Variants in ERBB4 observed in about 807,000 individuals in gnomAD.
ERBB4 encodes the protein erb-b2 receptor tyrosine kinase 4.
ERBB4 carries 42 observed loss-of-function variants against 158.0 expected under a neutral mutation model. That is an observed-to-expected ratio of 0.27 (90% CI 0.21 to 0.34). The LOEUF is 0.34. Ranked by LOEUF, ERBB4 falls within the 10% of genes least tolerant of loss-of-function variation. The probability of loss-of-function intolerance (pLI) is 1.00; values close to 1 mark genes in which losing one functional copy is unlikely to be tolerated. For synonymous variants in ERBB4, 583 were observed against 558.7 expected (o/e 1.04, Z -0.61); for missense variants, 1,333 against 1,624.1 (o/e 0.82, Z 3.08).
chr2:212,470,854 T>C (rs112295301), intron 1 of ERBB4, among the ~76,000 whole-genome samples: 15 of 152,204 alleles, frequency 9.9e-5, no homozygotes, highest in Non-Finnish European at 1.2e-4. Flanking sequence ...CAAGGAACAT[T>C]TCTTTAAAAA....
intron 3 of ERBB4, among the ~76,000 whole-genome samples, chr2:211,809,111 C>A (rs1309390165): frequency 6.6e-6 from 1 of 152,140 alleles, no homozygotes; most frequent in East Asian, 1.9e-4. Context: ...TAATTGAATA[C>A]CCTTCATTTC....
At chr2:211,677,287 G>A (rs1452494740) in intron 13 of ERBB4, among the ~76,000 whole-genome samples, 1 of 152,100 alleles carries the variant, frequency 6.6e-6, no homozygotes, top group African/African-American at 2.4e-5. Flanking sequence ...CTTTCAGGCC[G>A]GGTGCAGTGG....
Position 212,191,730 on chromosome 2 carries a change from G to T in ERBB4, c.83-66827C>A, listed in dbSNP as rs185319707. On this transcript the variant is annotated intron_variant, in intron 1 of 27. Coordinates refer to ENST00000342788, the MANE Select transcript of ERBB4 (RefSeq NM_005235.3). The stretch of plus-strand genomic sequence containing the variant: ...GTTATACATGTTACATATAACACGT[G>T]TTATACATGTTACATATAACACGTG... 5.0e-3 allele frequency among the ~76,000 whole-genome samples: 722 copies of T among 145,438 alleles called. 32 individuals are homozygous for T. The highest frequency in any genetic ancestry group is 0.017 in the African/African-American group (687 of 39,470).
chr2:212,337,539 TA>T (rs1295480601), intron 1 of ERBB4, among the ~76,000 whole-genome samples: 10 of 152,100 alleles, frequency 6.6e-5, no homozygotes, highest in Non-Finnish European at 1.2e-4. Context: ...GATTACACTT[TA>T]ATGTGAATAA....
intron 9 of ERBB4, among the ~76,000 whole-genome samples, chr2:211,706,616 C>CA (rs887747554): frequency 8.5e-5 from 12 of 141,106 alleles, no homozygotes; most frequent in African/African-American, 2.6e-4. Flanking sequence ...AAAAAAAAAA[C>CA]AAAAAAAACT....
chr2:211,558,419 T>C (rs2067296310), intron 20 of ERBB4, among the ~76,000 whole-genome samples: 1 of 152,282 alleles, frequency 6.6e-6, no homozygotes, highest in Non-Finnish European at 1.5e-5. Flanking sequence ...AATGGGCCGA[T>C]CTGGGTAATC....
At chr2:212,136,700 A>G (rs1017863760) in intron 1 of ERBB4, among the ~76,000 whole-genome samples, 2 of 152,166 alleles carry the variant, frequency 1.3e-5, no homozygotes, top group Non-Finnish European at 2.9e-5. Flanking sequence ...CACTGTTCCA[A>G]GTTATCTGTC....
intron 2 of ERBB4, among the ~76,000 whole-genome samples, chr2:212,010,624 C>A (rs555887997): frequency 6.8e-4 from 104 of 152,216 alleles, no homozygotes; most frequent in Admixed American, 2.1e-3. Context: ...GGTCTATATT[C>A]AGTAGTGCAC....
intron 3 of ERBB4, among the ~76,000 whole-genome samples, chr2:211,933,168 T>C (rs929204726): frequency 2.6e-5 from 4 of 152,052 alleles, no homozygotes; most frequent in Admixed American, 2.0e-4. Flanking sequence ...AGGACTGCAT[T>C]TGAAGCATGA....
At chr2:211,728,370 C>T (rs982644992) in intron 5 of ERBB4, among the ~76,000 whole-genome samples, 1 of 151,548 alleles carries the variant, frequency 6.6e-6, no homozygotes, top group Admixed American at 6.6e-5. Context: ...TGTACCCAAA[C>T]AATTTGTATC....
chr2:212,497,261 C>T (rs543368824), intron 1 of ERBB4, among the ~76,000 whole-genome samples: 4 of 150,800 alleles, frequency 2.7e-5, no homozygotes, highest in African/African-American at 7.3e-5. Flanking sequence ...TATTTGAATA[C>T]TAATTTTTAT....
chr2:211,423,763 A>ATGTT (rs2063561644), intron 23 of ERBB4, among the ~76,000 whole-genome samples: 1 of 151,686 alleles, frequency 6.6e-6, no homozygotes, highest in African/African-American at 2.4e-5. Context: ...TTTTTCCTTC[A>ATGTT]TGTTTAGATC....
At chr2:211,998,607 G>A in intron 2 of ERBB4, among the ~76,000 whole-genome samples, 1 of 146,562 alleles carries the variant, frequency 6.8e-6, no homozygotes, top group East Asian at 2.0e-4. Flanking sequence ...TTCCCTTTTT[G>A]TTTTAAATGT....
rs1559701746 is a variant in ERBB4, at chr2:212,191,596, CATGTGTT to C, written c.83-66700_83-66694del. ...TGTGTTATGCCTGTTATATATAACACATGTGTTATGCCTGTTATATATAACACATGTG... is the reference window on the plus strand; with the variant it reads ...TGTGTTATGCCTGTTATATATAACACATGCCTGTTATATATAACACATGTG... On this transcript the variant is annotated intron_variant, in intron 1 of 27. Coordinates refer to ENST00000342788, the MANE Select transcript of ERBB4 (RefSeq NM_005235.3). 3.3e-4 allele frequency among the ~76,000 whole-genome samples: 47 copies of C among 141,706 alleles called. 4 individuals carry two copies. The highest frequency in any genetic ancestry group is 1.1e-3 in the African/African-American group (40 of 35,210). 93.0% of individuals were successfully genotyped at this position (141,706 alleles called of 152,430 possible).
At chr2:211,505,607 C>A in intron 20 of ERBB4, among the ~76,000 whole-genome samples, 1 of 151,664 alleles carries the variant, frequency 6.6e-6, no homozygotes, top group Non-Finnish European at 1.5e-5. Context: ...ATGACAGGAA[C>A]AAAACGTCAC....
At chr2:212,201,431 G>A (rs1336473583) in intron 1 of ERBB4, among the ~76,000 whole-genome samples, 2 of 151,984 alleles carry the variant, frequency 1.3e-5, no homozygotes, top group African/African-American at 4.8e-5. Context: ...TTCTCAGGAT[G>A]GTATTCTGGA....
At chr2:212,040,600 G>A (rs1193663410) in intron 2 of ERBB4, among the ~76,000 whole-genome samples, 5 of 152,014 alleles carry the variant, frequency 3.3e-5, no homozygotes, top group Admixed American at 1.3e-4. Context: ...TTTCTAACTC[G>A]TCTCTGCCAG....
rs927135688 is a variant in ERBB4 at position 211,382,364 on chromosome 2, C to T, written c.*1251G>A. ...GCCTCTCATCATAGTCCCTGGATAC[C>T]GTTGCAAGGTTCCTAATTTGCTTGG... On this transcript the variant is annotated 3_prime_UTR_variant, in exon 28 of 28. Transcript: ENST00000342788. The T allele has an allele frequency of 3.0e-5, 7 of 232,290 alleles. No individual in the cohort carries two copies. Among genetic ancestry groups the T allele is most frequent in the African/African-American group, 4.4e-5 (2 of 45,272 alleles). The allele number at this position is 232,290 out of a possible 1,614,324, so 14.4% of individuals were successfully genotyped here.
intron 1 of ERBB4, among the ~76,000 whole-genome samples, chr2:212,537,864 G>A (rs1303841621): frequency 6.6e-6 from 1 of 152,082 alleles, no homozygotes; most frequent in African/African-American, 2.4e-5. Context: ...GGACCGAGGC[G>A]CGCCCGCCTG....
Sources: allele counts gnomAD v4.1 joint callset (sites outside exome capture counted in the v4.1 genomes callset), GRCh38; gene constraint gnomAD v4.1.1; transcripts MANE v1.5; gene names NCBI Gene and HGNC (gene_info 2026-07-23, HGNC 2026-07-21).